SCN1A: variants seen among roughly 807,000 people sequenced by gnomAD.
The protein encoded by SCN1A is sodium channel protein type 1 subunit alpha.
In SCN1A, 13 loss-of-function variants were observed where a neutral mutation model predicts 193.7. That is an observed-to-expected ratio of 0.07 (90% CI 0.04 to 0.11). SCN1A has a LOEUF of 0.11. Among genes scored for constraint, SCN1A ranks in the 10% least tolerant of loss-of-function variants. The pLI, the probability that SCN1A is intolerant of heterozygous loss-of-function variation, is 1.00. For synonymous variants in SCN1A, 781 were observed against 843.6 expected (o/e 0.93, Z 1.29); for missense variants, 1,432 against 2,451.1 (o/e 0.58, Z 8.78).
intron 19 of SCN1A, among the ~76,000 whole-genome samples, chr2:166,033,854 A>T (rs7583749): frequency 0.64 from 84,885 of 133,264 alleles, 23,885 homozygotes; most frequent in African/African-American, 0.69. Flanking sequence ...AATATAACAG[A>T]TAGCATATGG....
intron 2 of SCN1A, among the ~76,000 whole-genome samples, chr2:166,119,285 C>A (rs902638242): frequency 2.0e-5 from 3 of 152,190 alleles, no homozygotes; most frequent in African/African-American, 7.2e-5. Flanking sequence ...CATATAATTT[C>A]ACATCTCCAA....
intron 1 of SCN1A, among the ~76,000 whole-genome samples, chr2:166,147,080 C>T (rs1451584481): frequency 3.3e-5 from 2 of 60,594 alleles, no homozygotes; most frequent in Non-Finnish European, 5.9e-5. Flanking sequence ...ATTGCCAGGA[C>T]CCATCCCTAG....
intron 27 of SCN1A, 111 bp from the exon 28 acceptor site, chr2:165,994,527 G>T: frequency 1.0e-6 from 1 of 955,122 alleles, no homozygotes; most frequent in South Asian, 1.5e-5. Context: ...GTAGTCATTG[G>T]CCCTGATTTT....
At chr2:166,133,268 G>A (rs999285813) in intron 1 of SCN1A, among the ~76,000 whole-genome samples, 2 of 152,130 alleles carry the variant, frequency 1.3e-5, no homozygotes, top group Admixed American at 1.3e-4. Flanking sequence ...AATTATGTCT[G>A]CAGGTGATTA....
At chr2:166,118,219 T>TTTTTGCTA (rs1690096369) in intron 2 of SCN1A, among the ~76,000 whole-genome samples, 1 of 150,050 alleles carries the variant, frequency 6.7e-6, no homozygotes, top group African/African-American at 2.4e-5. Context: ...AAGATTCCAC[T>TTTTTGCTA]TTTTGCTATT....
intron 2 of SCN1A, among the ~76,000 whole-genome samples, chr2:166,117,882 G>A (rs1254786914): frequency 6.6e-6 from 1 of 151,704 alleles, no homozygotes; most frequent in Non-Finnish European, 1.5e-5. Flanking sequence ...AGAATCGCTT[G>A]AACCCAGGAG....
intron 2 of SCN1A, among the ~76,000 whole-genome samples, chr2:166,084,485 C>T (rs965474701): frequency 2.0e-5 from 3 of 152,074 alleles, no homozygotes; most frequent in African/African-American, 4.8e-5. Flanking sequence ...CTATAAGTAG[C>T]AGCCAGAGGA....
chr2:166,067,446 T>C (rs1683960339), intron 4 of SCN1A, among the ~76,000 whole-genome samples: 2 of 151,040 alleles, frequency 1.3e-5, no homozygotes, highest in Non-Finnish European at 2.9e-5. Flanking sequence ...GCTATAGGCT[T>C]ATTTAGATTC....
At chr2:166,084,651 A>T (rs868359423) in intron 2 of SCN1A, among the ~76,000 whole-genome samples, 7 of 152,172 alleles carry the variant, frequency 4.6e-5, no homozygotes, top group Non-Finnish European at 8.8e-5. Flanking sequence ...GGATGCTTAC[A>T]TTCCTTCTTT....
At chr2:166,131,279 C>T (rs1198332980), upstream of SCN1A, among the ~76,000 whole-genome samples, 1 of 152,084 alleles carries the variant, frequency 6.6e-6, no homozygotes, top group Non-Finnish European at 1.5e-5. Context: ...ATGCATGAAC[C>T]TGCTAAACAG....
rs147001946 is a variant in SCN1A, at chr2:166,047,508, A to C, written c.1170+119T>G. 482 of 1,114,808 alleles carry C rather than the reference A, an allele frequency of 4.3e-4. 1 individual carries two copies. In the East Asian group the frequency reaches 0.01, roughly 24 times the overall value. 69.1% of individuals were successfully genotyped at this position (1,114,808 alleles called of 1,614,324 possible). On this transcript the variant is annotated intron_variant, in intron 11 of 28. Coordinates refer to ENST00000674923, the MANE Select transcript of SCN1A (RefSeq NM_001165963.4). ...TATAATCAATAGGATAGAGGAACTC[A>C]AGTCTCGTTTCAAGTTCTGCTCTTT...
chr2:166,108,530 A>G (rs1192146571), intron 2 of SCN1A, among the ~76,000 whole-genome samples: 2 of 152,144 alleles, frequency 1.3e-5, no homozygotes, highest in Admixed American at 1.3e-4. Flanking sequence ...AGCCTTATTA[A>G]CAATAGCCCA....
Position 165,988,017 on chromosome 2 carries a change from C to G in SCN1A, c.*3228G>C, listed in dbSNP as rs1573927754. 6.6e-6 allele frequency: 1 copy of G among 152,048 alleles called. No individual in the cohort carries two copies. The highest frequency in any genetic ancestry group is 2.4e-5 in the African/African-American group (1 of 41,408). The allele number at this position is 152,048 out of a possible 1,614,324, so 9.4% of individuals were successfully genotyped here. A position where few individuals can be genotyped will look rare whatever the true frequency, so the allele number is the denominator to read the frequency against. ...GTCCATTGTACAAGGATGGGAAAAG[C>G]CTTTTAATTACTGTCCCTTTTCTGG... On this transcript the variant is annotated 3_prime_UTR_variant, in exon 29 of 29. Coordinates refer to ENST00000674923, the MANE Select transcript of SCN1A (RefSeq NM_001165963.4).
intron 9 of SCN1A, among the ~76,000 whole-genome samples, chr2:166,049,285 A>G (rs1389388656): frequency 6.6e-6 from 1 of 152,078 alleles, no homozygotes; most frequent in African/African-American, 2.4e-5. Flanking sequence ...AAAAGGTATT[A>G]GCATTTGTTC....
chr2:166,025,838 T>A (rs541509647), intron 19 of SCN1A, among the ~76,000 whole-genome samples: 1 of 152,330 alleles, frequency 6.6e-6, no homozygotes, highest in Admixed American at 6.5e-5. Context: ...TTAATCATAT[T>A]AGTAATATTA....
At chr2:166,133,043 G>C (rs768804352) in intron 1 of SCN1A, among the ~76,000 whole-genome samples, 9 of 152,042 alleles carry the variant, frequency 5.9e-5, no homozygotes, top group Non-Finnish European at 1.3e-4. Flanking sequence ...TTTATTAAAA[G>C]TATTTTAAAA....
chr2:166,137,063 G>T (rs1360922143), intron 1 of SCN1A, among the ~76,000 whole-genome samples: 1 of 152,152 alleles, frequency 6.6e-6, no homozygotes, highest in Non-Finnish European at 1.5e-5. Context: ...TCCCTGGTCT[G>T]CATTCCTTGG....
Position 166,122,451 on chromosome 2 carries a change from G to A in SCN1A, c.-142+4473C>T, listed in dbSNP as rs1237742013. The stretch of plus-strand genomic sequence containing the variant: ...AGTTAGATCAATAAAGTGTTTAATA[G>A]TTAAGGGTATATGGATCAGTTTTCT... On this transcript the variant is annotated intron_variant, in intron 2 of 28. Transcript: ENST00000674923. Among the ~76,000 whole-genome samples, 4 of 152,154 alleles carry A rather than the reference G, an allele frequency of 2.6e-5. No individual in the cohort carries two copies. The East Asian group carries it at 7.7e-4, about 29-fold the overall frequency.
rs567359114 is a variant in SCN1A, at chr2:166,035,928, A to G, written c.3429+120T>C. 126 of 956,012 alleles carry G rather than the reference A, an allele frequency of 1.3e-4. 2 individuals carry two copies. Among genetic ancestry groups the G allele is most frequent in the Admixed American group, 1.0e-3 (38 of 37,666 alleles). The allele number at this position is 956,012 out of a possible 1,614,324, so 59.2% of individuals were successfully genotyped here. A position where few individuals can be genotyped will look rare whatever the true frequency, so the allele number is the denominator to read the frequency against. On this transcript the variant is annotated intron_variant, in intron 19 of 28. Transcript: ENST00000674923. ...GAATGGCTATTGCTTTTGTATTATC[A>G]TAAAGTAAAAAAAAAAAAAAATCTT...
Sources: gnomAD v4.1 joint callset for allele counts (sites outside exome capture counted in the v4.1 genomes callset) on GRCh38, gnomAD v4.1.1 for gene constraint, MANE v1.5 for transcripts, NCBI Gene and HGNC (gene_info 2026-07-23, HGNC 2026-07-21) for gene names.